The following GALNT10 variants were observed in gnomAD, a reference collection of about 807,000 sequenced individuals.
GALNT10 encodes the protein polypeptide N-acetylgalactosaminyltransferase 10, also known as GalNAc transferase 10.
GALNT10 carries 41 observed loss-of-function variants against 75.0 expected under a neutral mutation model. That is an observed-to-expected ratio of 0.55 (90% CI 0.43 to 0.71). The LOEUF (loss-of-function observed/expected upper bound fraction) is 0.71. GALNT10 is among the 30% of genes least tolerant of loss of function. The pLI is 0.00. For missense variants in GALNT10, 727 were observed against 818.5 expected, an observed-to-expected ratio of 0.89 and a Z score of 1.36; for synonymous variants, 302 against 313.0, an observed-to-expected ratio of 0.96 and a Z score of 0.37.
At chr5:154,337,812 C>G in intron 4 of GALNT10, 1 of 989,700 alleles carries the variant, frequency 1.0e-6, no homozygotes, top group Non-Finnish European at 1.6e-6. Flanking sequence ...ACCACCTCCA[C>G]AACCACCACC....
chr5:154,398,760 G>A (rs1756098486), intron 7 of GALNT10, among the ~76,000 whole-genome samples: 1 of 152,192 alleles, frequency 6.6e-6, no homozygotes, highest in Non-Finnish European at 1.5e-5. Context: ...AGAGAATATG[G>A]TAGCGAGATT....
intron 3 of GALNT10, among the ~76,000 whole-genome samples, chr5:154,316,510 G>C (rs567627807): frequency 6.6e-6 from 1 of 152,356 alleles, no homozygotes; most frequent in Non-Finnish European, 1.5e-5. Flanking sequence ...ACTTCAGTCT[G>C]TGCCTTTCTA....
rs772388378 is a variant in GALNT10 at position 154,329,555 on chromosome 5, C to T, written c.402-17C>T. The T allele has an allele frequency of 2.5e-6, 4 of 1,610,898 alleles. No individual in the cohort carries two copies. The South Asian group carries it at 4.4e-5, about 18-fold the overall frequency. On this transcript the variant is annotated splice_polypyrimidine_tract_variant and intron_variant, in intron 3 of 11. Coordinates refer to ENST00000297107, the MANE Select transcript of GALNT10 (RefSeq NM_198321.4). ...GAGCTGACCCTGTCCTCTGCCTCCC[C>T]TTATGTTTCCCTCTAGCTGCAACAG... is the stretch of plus-strand genomic sequence containing the variant.
chr5:154,229,511 G>T (rs940807376), intron 1 of GALNT10, among the ~76,000 whole-genome samples: 1 of 152,222 alleles, frequency 6.6e-6, no homozygotes, highest in South Asian at 2.1e-4. Context: ...GGTGGATCAC[G>T]AGGTCAGGAG....
At chr5:154,310,837 G>A (rs1754505905) in intron 3 of GALNT10, among the ~76,000 whole-genome samples, 2 of 152,192 alleles carry the variant, frequency 1.3e-5, no homozygotes, top group Admixed American at 1.3e-4. Context: ...ACTCCCTTCT[G>A]AACAGTGGTG....
chr5:154,275,043 C>T (rs1753928305), intron 1 of GALNT10, among the ~76,000 whole-genome samples: 1 of 152,194 alleles, frequency 6.6e-6, no homozygotes, highest in Non-Finnish European at 1.5e-5. Context: ...CTGACACTGG[C>T]TCATTCCATG....
At chr5:154,256,785 C>T (rs919952776) in intron 1 of GALNT10, among the ~76,000 whole-genome samples, 4 of 152,220 alleles carry the variant, frequency 2.6e-5, no homozygotes, top group South Asian at 4.1e-4. Context: ...ATACAGGCTT[C>T]AACAGATGTC....
At position 154,210,860 on chromosome 5, in the gene GALNT10, T is replaced by G. The variant is rs911609991; in HGVS notation, c.159+19835T>G. On this transcript the variant is annotated intron_variant, in intron 1 of 11. Transcript: ENST00000297107. ...AAGTTTCTTGATTTTGTTGTCTGTATTCTTAGAAAATGCACACTGAAGAAT... is the reference window on the plus strand; with the variant it reads ...AAGTTTCTTGATTTTGTTGTCTGTAGTCTTAGAAAATGCACACTGAAGAAT... Among the ~76,000 whole-genome samples, 9 of 152,244 alleles carry G rather than the reference T, an allele frequency of 5.9e-5. No individual in the cohort carries two copies. The South Asian group carries it at 6.2e-4, about 10-fold the overall frequency.
intron 1 of GALNT10, among the ~76,000 whole-genome samples, chr5:154,202,505 T>C (rs1775042247): frequency 6.6e-6 from 1 of 152,204 alleles, no homozygotes; most frequent in African/African-American, 2.4e-5. Context: ...CTTACTGTTG[T>C]CATTTTACAG....
At chr5:154,289,371 C>T (rs1269375093) in intron 1 of GALNT10, among the ~76,000 whole-genome samples, 2 of 152,192 alleles carry the variant, frequency 1.3e-5, no homozygotes, top group Non-Finnish European at 2.9e-5. Flanking sequence ...TGTTCCAAGT[C>T]ATTAAACTAG....
chr5:154,364,985 T>G (rs1755453752), intron 4 of GALNT10, among the ~76,000 whole-genome samples: 1 of 152,194 alleles, frequency 6.6e-6, no homozygotes, highest in South Asian at 2.1e-4. Flanking sequence ...CTGGAGTGTT[T>G]TTATTCGTCG....
rs1756578355 is a variant in GALNT10, at chr5:154,419,105, T to G, written c.*2133T>G. 6.6e-6 allele frequency: 1 copy of G among 152,088 alleles called. No homozygotes were observed. The highest frequency in any genetic ancestry group is 6.6e-5 in the Admixed American group (1 of 15,220). The allele number at this position is 152,088 out of a possible 1,614,324, so 9.4% of individuals were successfully genotyped here. ...GGGGAGGGGAACGTTTTTGGTGGTGTGTGCAGTTCCTACTGGATGAGTGTG... is the reference window on the plus strand; with the variant it reads ...GGGGAGGGGAACGTTTTTGGTGGTGGGTGCAGTTCCTACTGGATGAGTGTG... On this transcript the variant is annotated 3_prime_UTR_variant, in exon 12 of 12. Transcript: ENST00000297107.
chr5:154,397,190 CT>C (rs11349379), intron 7 of GALNT10, among the ~76,000 whole-genome samples: 38,647 of 142,462 alleles, frequency 0.27, 5,589 homozygotes, highest in East Asian at 0.48. Flanking sequence ...TTCTTTTCTA[CT>C]TTTTTTTTTT....
intron 3 of GALNT10, among the ~76,000 whole-genome samples, chr5:154,302,570 T>G (rs571484305): frequency 6.6e-6 from 1 of 152,210 alleles, no homozygotes; most frequent in Non-Finnish European, 1.5e-5. Context: ...ATCTGCAGTT[T>G]CCGGTGCAAA....
chr5:154,243,208 T>G (rs2122895), intron 1 of GALNT10, among the ~76,000 whole-genome samples: 96,309 of 152,080 alleles, frequency 0.63, 31,145 homozygotes, highest in East Asian at 0.86. Flanking sequence ...TGATTAGCAG[T>G]GTGCCTGGTA....
intron 3 of GALNT10, among the ~76,000 whole-genome samples, chr5:154,326,739 G>A (rs1276413498): frequency 6.6e-6 from 1 of 152,152 alleles, no homozygotes; most frequent in African/African-American, 2.4e-5. Flanking sequence ...CAGCTAGCTG[G>A]CAGGAGGGGA....
chr5:154,322,021 C>T (rs1341972929), intron 3 of GALNT10, among the ~76,000 whole-genome samples: 1 of 152,160 alleles, frequency 6.6e-6, no homozygotes, highest in African/African-American at 2.4e-5. Flanking sequence ...TCTATAGCTG[C>T]CATAACAAGT....
chr5:154,341,021 T>C (rs961023568), intron 4 of GALNT10, among the ~76,000 whole-genome samples: 1 of 152,232 alleles, frequency 6.6e-6, no homozygotes, highest in Non-Finnish European at 1.5e-5. Flanking sequence ...TTTTCCCTCT[T>C]TTTCTCTTGT....
chr5:154,412,934 G>T lies in GALNT10; in HGVS notation c.1432G>T (p.Ala478Ser), dbSNP rs373562892. Residue 478 changes from alanine (A) to serine (S), a missense_variant, in exon 10 of 12, where the codon GCC becomes TCC. Coordinates refer to ENST00000297107, the MANE Select transcript of GALNT10 (RefSeq NM_198321.4). The surrounding 1 kb of genome is among the most constrained non-coding windows in gnomAD (Gnocchi z 4.2). ...GCTGTGTGCAGACACAAAGCACGGG[G>T]CCTTGGGCTCCCCACTAAGGCTAGA... ...TGLCADTKHG[A>S]LGSPLRLEGC... is the part of the protein sequence containing the mutation. 3.1e-6 allele frequency: 5 copies of T among 1,613,716 alleles called. No individual in the cohort carries two copies. Among genetic ancestry groups the T allele is most frequent in the Non-Finnish European group, 4.2e-6 (5 of 1,179,870 alleles).
Sources: gnomAD v4.1 joint callset for allele counts (sites outside exome capture counted in the v4.1 genomes callset) on GRCh38, gnomAD v4.1.1 for gene constraint, Gnocchi (gnomAD v3.1) non-coding constraint, MANE v1.5 for transcripts, NCBI Gene and HGNC (gene_info 2026-07-23, HGNC 2026-07-21) for gene names.